PDE6C: variants seen among roughly 807,000 people sequenced by gnomAD.
PDE6C encodes the protein phosphodiesterase 6C.
Under a neutral mutation model 113.1 loss-of-function variants are expected in PDE6C, and 75 were observed. The ratio of observed to expected loss-of-function variants is 0.66; its 90% CI spans 0.55 to 0.80. PDE6C has a LOEUF of 0.80. Ranked by LOEUF, PDE6C falls within the 30% of genes least tolerant of loss-of-function variation. The pLI is 0.00. For missense variants in PDE6C, 912 were observed against 1,038.6 expected (o/e 0.88, Z 1.67); for synonymous variants, 375 against 363.7 (o/e 1.03, Z -0.35).
At chr10:93,640,350 C>G (rs1466711682) in intron 12 of PDE6C, 100 bp from the exon 13 acceptor site, 1 of 1,241,212 alleles carries the variant, frequency 8.1e-7, no homozygotes, top group Non-Finnish European at 1.2e-6. Flanking sequence ...AGCTTAACCC[C>G]TATCTACAAG....
rs767868315 is a variant in PDE6C, at chr10:93,626,608, A to G, written c.940-32A>G. Reference sequence around the variant, plus strand: ...AAAAATGATTTCTTTGGGAAATAACATTATTCCCATAATATCCTCTTTCTT... The same window carrying G: ...AAAAATGATTTCTTTGGGAAATAACGTTATTCCCATAATATCCTCTTTCTT... On this transcript the variant is annotated intron_variant, in intron 5 of 21. Transcript: ENST00000371447. 1.2e-5 allele frequency: 15 copies of G among 1,217,206 alleles called. No homozygotes were observed. In the East Asian group the frequency reaches 3.0e-4, roughly 25 times the overall value. 75.4% of individuals were successfully genotyped at this position (1,217,206 alleles called of 1,614,324 possible). A position where few individuals can be genotyped will look rare whatever the true frequency, so the allele number is the denominator to read the frequency against.
chr10:93,660,007 A>C (rs2058658867), intron 18 of PDE6C, among the ~76,000 whole-genome samples: 1 of 152,218 alleles, frequency 6.6e-6, no homozygotes, highest in Non-Finnish European at 1.5e-5. Flanking sequence ...CTTTCTTACT[A>C]ATTGGATGAA....
chr10:93,640,369 A>T, intron 12 of PDE6C, 81 bp from the exon 13 acceptor site: 1 of 1,269,220 alleles, frequency 7.9e-7, no homozygotes, highest in Non-Finnish European at 1.2e-6. Flanking sequence ...AGACCAACAC[A>T]TCTTTTTAGA....
chr10:93,640,038 T>A (rs1403907041), intron 11 of PDE6C, 32 bp from the exon 12 acceptor site: 2 of 1,613,146 alleles, frequency 1.2e-6, no homozygotes, highest in Non-Finnish European at 1.7e-6. Flanking sequence ...CAGATGAATG[T>A]AATCTGAAAC....
chr10:93,640,385 T>C (rs2058553490), intron 12 of PDE6C, 65 bp from the exon 13 acceptor site: 1 of 1,338,880 alleles, frequency 7.5e-7, no homozygotes, highest in Non-Finnish European at 1.1e-6. Flanking sequence ...TTAGATAAGA[T>C]TGCCACAGAC....
rs771615643 is a variant in PDE6C at position 93,662,087 on chromosome 10, G to C, written c.2237G>C (p.Trp746Ser). The change falls in exon 19 of 22, where the codon TGG becomes TCG. Residue 746 changes from tryptophan to serine, a missense_variant. Physicochemically the swap from Trp to Ser is radical, Grantham distance 177. Transcript: ENST00000371447. ...QVALMVANEF[W>S]EQGDLERTVL... The stretch of plus-strand genomic sequence containing the variant: ...GCACTTATGGTTGCAAATGAATTTT[G>C]GGAACAAGGAGATCTGGAGAGAACA... 5 of 1,610,408 alleles carry C rather than the reference G, an allele frequency of 3.1e-6. No homozygotes were observed. The highest frequency in any genetic ancestry group is 4.2e-6 in the Non-Finnish European group (5 of 1,176,744).
chr10:93,615,503 T>C (rs1329541871), intron 1 of PDE6C, among the ~76,000 whole-genome samples: 1 of 152,196 alleles, frequency 6.6e-6, no homozygotes, highest in Non-Finnish European at 1.5e-5. Flanking sequence ...TGCCTCAGCA[T>C]CCTGAGTAGC....
intron 3 of PDE6C, 57 bp from the exon 4 acceptor site, chr10:93,621,875 C>T (rs2058448195): frequency 6.7e-7 from 1 of 1,494,638 alleles, no homozygotes; most frequent in Non-Finnish European, 9.3e-7. Flanking sequence ...GGTGAATGCT[C>T]TATCTCTCCA....
chr10:93,625,662 G>A lies in PDE6C; in HGVS notation c.939+13G>A, dbSNP rs760417465. ...ACCTGATGGCAGGGTACGTGCAAAT[G>A]TCTTCCTTGATGCCATCTGTGCATG... is the stretch of plus-strand genomic sequence containing the variant. On this transcript the variant is annotated intron_variant, in intron 5 of 21. Coordinates refer to ENST00000371447, the MANE Select transcript of PDE6C (RefSeq NM_006204.4). The A allele has an allele frequency of 1.4e-5, 22 of 1,586,366 alleles. No homozygotes were observed. Among genetic ancestry groups the A allele is most frequent in the Non-Finnish European group, 1.8e-5 (21 of 1,155,156 alleles).
chr10:93,640,211 G>A lies in PDE6C; in HGVS notation c.1624G>A (p.Val542Ile), dbSNP rs1400794880. The A allele has an allele frequency of 6.2e-7, 1 of 1,612,166 alleles. No individual in the cohort carries two copies. Among genetic ancestry groups the A allele is most frequent in the East Asian group, 2.2e-5 (1 of 44,886 alleles). ...INVVEKFKVP[V>I]EVLTRWMYTV... ...TGTGGTGGAGAAATTCAAAGTACCT[G>A]TAGAGGTCAGAGGGTATTTAATTTA... Residue 542 changes from valine (V) to isoleucine (I), a missense_variant, in exon 12 of 22, where the codon GTA (valine) becomes ATA (isoleucine). Physicochemically the swap from Val to Ile is conservative, Grantham distance 29. Transcript: ENST00000371447.
rs56029704 is a variant in PDE6C at position 93,658,669 on chromosome 10, C to CCTCTCT, written c.2037-215_2037-210dup. Among the ~76,000 whole-genome samples, 290 of 143,822 alleles carry CCTCTCT rather than the reference C, an allele frequency of 2.0e-3. 1 individual carries two copies. The highest frequency in any genetic ancestry group is 7.3e-3 in the African/African-American group (274 of 37,532). The allele number at this position is 143,822 out of a possible 152,430, so 94.4% of individuals were successfully genotyped here. ...AGTTACCTGTTTTGTTTTGTTTTTC[C>CCTCTCT]CTCTCTCTCTCTCTCTCTCTCTGTA... On this transcript the variant is annotated intron_variant, in intron 16 of 21. Coordinates refer to ENST00000371447, the MANE Select transcript of PDE6C (RefSeq NM_006204.4).
chr10:93,661,292 A>G (rs970936313), intron 18 of PDE6C, among the ~76,000 whole-genome samples: 1 of 152,164 alleles, frequency 6.6e-6, no homozygotes, highest in Admixed American at 6.5e-5. Flanking sequence ...GCACTCACAG[A>G]AGCTTTGTAC....
At chr10:93,637,925 C>A (rs1305758994) in intron 11 of PDE6C, among the ~76,000 whole-genome samples, 5 of 151,890 alleles carry the variant, frequency 3.3e-5, no homozygotes, top group Non-Finnish European at 5.9e-5. Flanking sequence ...TATCCTTCTG[C>A]AAAGAGCATT....
Position 93,620,782 on chromosome 10 carries a change from G to A in PDE6C, c.631G>A (p.Glu211Lys). 1 of 1,614,168 alleles carries A rather than the reference G, an allele frequency of 6.2e-7. No individual in the cohort carries two copies. Among genetic ancestry groups the A allele is most frequent in the Non-Finnish European group, 8.5e-7 (1 of 1,180,022 alleles). ...ATCTGAATTTTCCAAACAGGATGAA[G>A]AGGTAATGCTAACCCTGGGCATCTG... ...NASEFSKQDE[E>K]VFSKYLNFVS... Residue 211 changes from glutamate (E) to lysine (K), a missense_variant and splice_region_variant, in exon 2 of 22, where the codon GAG becomes AAG. Transcript: ENST00000371447.
At position 93,634,841 on chromosome 10, in the gene PDE6C, A is replaced by G. The variant is rs1372907374; in HGVS notation, c.1203A>G (p.Gly401=). The G allele has an allele frequency of 6.2e-7, 1 of 1,614,136 alleles. No homozygotes were observed. The highest frequency in any genetic ancestry group is 8.5e-7 in the Non-Finnish European group (1 of 1,179,994). Residue 401 remains glycine, a synonymous_variant, in exon 9 of 22, where the codon GGA becomes GGG. Transcript: ENST00000371447. ...TCAACAAGAAAGAAGATATTGTGGGAGTGGCTACATTTTACAACAGGAAGG... is the reference window on the plus strand; with the variant it reads ...TCAACAAGAAAGAAGATATTGTGGGGGTGGCTACATTTTACAACAGGAAGG... The part of the protein sequence containing the change: ...PIVNKKEDIV[G]VATFYNRKDG...
At chr10:93,658,617 G>T (rs1288848356) in intron 16 of PDE6C, among the ~76,000 whole-genome samples, 2 of 151,930 alleles carry the variant, frequency 1.3e-5, no homozygotes, top group East Asian at 3.9e-4. Context: ...GGCCTTATAT[G>T]TAACTTTTTC....
At chr10:93,634,654 A>G in intron 8 of PDE6C, 104 bp from the exon 9 acceptor site, 1 of 1,170,560 alleles carries the variant, frequency 8.5e-7, no homozygotes, top group East Asian at 2.5e-5. Context: ...GGTGAAGGGT[A>G]CCTGAAATCT....
intron 21 of PDE6C, among the ~76,000 whole-genome samples, chr10:93,663,868 T>C (rs1411474826): frequency 6.6e-6 from 1 of 152,210 alleles, no homozygotes; most frequent in African/African-American, 2.4e-5. Flanking sequence ...TGCTAATTTC[T>C]GTCTTGAAAG....
rs1164078148 is a variant in PDE6C at position 93,612,910 on chromosome 10, G to T, written c.185G>T (p.Cys62Phe). 6.2e-7 allele frequency: 1 copy of T among 1,614,050 alleles called. No homozygotes were observed. Among genetic ancestry groups the T allele is most frequent in the Non-Finnish European group, 8.5e-7 (1 of 1,180,034 alleles). Residue 62 changes from cysteine (C) to phenylalanine (F), a missense_variant, in exon 1 of 22, where the codon TGC becomes TTC. Coordinates refer to ENST00000371447, the MANE Select transcript of PDE6C (RefSeq NM_006204.4). Reference sequence around the variant, plus strand: ...ACCCAGGTGGAGGAGTCAGCCCTGTGCTTGGAGCTGCTGTGGACCGTGCAG... The same window carrying T: ...ACCCAGGTGGAGGAGTCAGCCCTGTTCTTGGAGCTGCTGTGGACCGTGCAG... The part of the protein sequence containing the change: ...ELTQVEESAL[C>F]LELLWTVQEE...
Sources: gnomAD v4.1 joint callset for allele counts (sites outside exome capture counted in the v4.1 genomes callset) on GRCh38, gnomAD v4.1.1 for gene constraint, MANE v1.5 for transcripts, NCBI Gene and HGNC (gene_info 2026-07-23, HGNC 2026-07-21) for gene names.